The following CFAP20DC variants were observed in gnomAD, a reference collection of about 807,000 sequenced individuals.
CFAP20DC encodes the protein CFAP20 domain containing, also known as protein CFAP20DC.
Under a neutral mutation model 101.7 loss-of-function variants are expected in CFAP20DC, and 84 were observed. The observed-to-expected ratio is 0.83, with a 90% confidence interval of 0.69 to 0.99. The LOEUF (loss-of-function observed/expected upper bound fraction) is 0.99, where lower values mean the gene tolerates loss of function less well. CFAP20DC is among the 50% of genes least tolerant of loss of function. The pLI is 0.00. For synonymous variants in CFAP20DC, 359 were observed against 351.2 expected (o/e 1.02, Z -0.25); for missense variants, 1,007 against 970.3 (o/e 1.04, Z -0.50).
chr3:59,015,807 A>T lies in CFAP20DC; in HGVS notation c.278+23750T>A, dbSNP rs977858237. ...CTGTTCCCAAGGCTAAACAAAAGAG[A>T]TGGAGGCTGTAGAGCTGGGGACAAC... On this transcript the variant is annotated intron_variant, in intron 4 of 16. Transcript: ENST00000482387. This position sits in a 1 kb window ranked among gnomAD's most constrained non-coding sequence, Gnocchi z 5.4. 6.6e-6 allele frequency among the ~76,000 whole-genome samples: 1 copy of T among 152,114 alleles called. No individual in the cohort carries two copies. Among genetic ancestry groups the T allele is most frequent in the Non-Finnish European group, 1.5e-5 (1 of 68,002 alleles).
At chr3:58,737,324 A>C, downstream of CFAP20DC, 1 of 440,036 alleles carries the variant, frequency 2.3e-6, no homozygotes, top group Non-Finnish European at 4.6e-6. This position sits in a 1 kb window ranked among gnomAD's most constrained non-coding sequence, Gnocchi z 4.1. Flanking sequence ...ACACACACAG[A>C]CACACACCCA....
intron 4 of CFAP20DC, among the ~76,000 whole-genome samples, chr3:59,000,010 T>C (rs1233250027): frequency 6.6e-6 from 1 of 152,286 alleles, no homozygotes; most frequent in Admixed American, 6.5e-5. Context: ...AAAAAAACTC[T>C]GCAAGAACAT....
intron 14 of CFAP20DC, among the ~76,000 whole-genome samples, chr3:58,821,356 C>G (rs2075629058): frequency 6.6e-6 from 1 of 151,984 alleles, no homozygotes; most frequent in East Asian, 1.9e-4. Flanking sequence ...AGTGAACAGG[C>G]AACCTACAAA....
chr3:58,806,900 C>T (rs548703518), intron 14 of CFAP20DC, among the ~76,000 whole-genome samples: 17 of 152,226 alleles, frequency 1.1e-4, no homozygotes, highest in Middle Eastern at 3.4e-3. Flanking sequence ...TAAAAAACGG[C>T]GCACCAGGAG....
intron 4 of CFAP20DC, among the ~76,000 whole-genome samples, chr3:58,940,049 G>C (rs1198812303): frequency 6.6e-6 from 1 of 152,202 alleles, no homozygotes; most frequent in Non-Finnish European, 1.5e-5. Context: ...TTACAGGCGT[G>C]AGCCACTGTG....
downstream of CFAP20DC, among the ~76,000 whole-genome samples, chr3:58,738,788 T>C (rs2067815692): frequency 1.3e-5 from 2 of 152,322 alleles, no homozygotes; most frequent in South Asian, 4.1e-4. This position sits in a 1 kb window ranked among gnomAD's most constrained non-coding sequence, Gnocchi z 4.4. Context: ...ATTCTGGCCA[T>C]TTTGATTGAA....
intron 15 of CFAP20DC, among the ~76,000 whole-genome samples, chr3:58,760,201 T>C (rs1273092489): frequency 6.6e-6 from 1 of 152,226 alleles, no homozygotes; most frequent in Non-Finnish European, 1.5e-5. Context: ...GTATCCTCTT[T>C]TGTTTTGTTG....
chr3:58,831,941 C>T, intron 13 of CFAP20DC, 52 bp from the exon 14 acceptor site: 1 of 1,508,842 alleles, frequency 6.6e-7, no homozygotes. Flanking sequence ...AATTCTACGG[C>T]TACTAACAAA....
intron 13 of CFAP20DC, among the ~76,000 whole-genome samples, chr3:58,834,369 C>T (rs2076596865): frequency 6.6e-6 from 1 of 152,126 alleles, no homozygotes; most frequent in Admixed American, 6.6e-5. Context: ...TTAGTTGGCT[C>T]ATCATTGCCA....
At chr3:58,976,038 G>A (rs2092259066) in intron 4 of CFAP20DC, among the ~76,000 whole-genome samples, 1 of 152,174 alleles carries the variant, frequency 6.6e-6, no homozygotes, top group African/African-American at 2.4e-5. Flanking sequence ...CTTTCATTAT[G>A]AATGGCAGGG....
intron 12 of CFAP20DC, among the ~76,000 whole-genome samples, chr3:58,853,517 C>G (rs1389331664): frequency 2.0e-5 from 3 of 152,014 alleles, no homozygotes; most frequent in Non-Finnish European, 4.4e-5. Flanking sequence ...CAAAGCTGGG[C>G]AGAGACACAA....
chr3:58,794,374 T>C (rs1256572319), intron 15 of CFAP20DC: 4 of 455,008 alleles, frequency 8.8e-6, no homozygotes, highest in African/African-American at 2.0e-5. Flanking sequence ...AGAACAATAA[T>C]GATAGTGTTA....
At chr3:59,021,177 A>AT (rs1349227152) in intron 4 of CFAP20DC, among the ~76,000 whole-genome samples, 3 of 152,106 alleles carry the variant, frequency 2.0e-5, no homozygotes, top group Non-Finnish European at 4.4e-5. Context: ...GAGAAACACT[A>AT]AAGAACTGTA....
In CFAP20DC at chr3:58,838,247, TG is replaced by T. The variant is rs140830868; in HGVS notation, c.1972-6359del. Among the ~76,000 whole-genome samples the T allele has an allele frequency of 7.1e-3, 1,084 of 152,240 alleles. 14 individuals carry two copies. The highest frequency in any genetic ancestry group is 0.025 in the African/African-American group (1,039 of 41,542). ...TTACTAAATTTAAGGGTTGCTATATTGAGTTACATAGCAGGAATCAGGAGTT... is the reference window on the plus strand; with the variant it reads ...TTACTAAATTTAAGGGTTGCTATATTAGTTACATAGCAGGAATCAGGAGTT... On this transcript the variant is annotated intron_variant, in intron 13 of 16. Transcript: ENST00000482387.
At chr3:58,981,623 A>G (rs1180506270) in intron 4 of CFAP20DC, among the ~76,000 whole-genome samples, 1 of 152,250 alleles carries the variant, frequency 6.6e-6, no homozygotes, top group Admixed American at 6.5e-5. Flanking sequence ...TCCCTATTTA[A>G]TAAACGGTGC....
intron 6 of CFAP20DC, among the ~76,000 whole-genome samples, chr3:58,906,461 T>C (rs1310657777): frequency 6.6e-6 from 1 of 152,192 alleles, no homozygotes; most frequent in Non-Finnish European, 1.5e-5. Context: ...TGTGGCAATA[T>C]TGTATTATAC....
intron 8 of CFAP20DC, 51 bp downstream of exon 8, chr3:58,870,122 C>T (rs758985653): frequency 1.1e-5 from 11 of 974,918 alleles, no homozygotes; most frequent in South Asian, 2.5e-5. Context: ...AGACACTCTT[C>T]CCTTACCAGG....
chr3:58,770,591 T>G, intron 15 of CFAP20DC, among the ~76,000 whole-genome samples: 1 of 152,214 alleles, frequency 6.6e-6, no homozygotes, highest in South Asian at 2.1e-4. Context: ...AAGAATATTC[T>G]AGAAGGAACA....
intron 15 of CFAP20DC, among the ~76,000 whole-genome samples, chr3:58,801,633 A>C (rs1302256789): frequency 1.3e-5 from 2 of 152,124 alleles, no homozygotes; most frequent in African/African-American, 4.8e-5. Context: ...GGAAAAAAAA[A>C]AACAAAACGA....
Sources: allele counts gnomAD v4.1 joint callset (sites outside exome capture counted in the v4.1 genomes callset), GRCh38; gene constraint gnomAD v4.1.1; non-coding constraint Gnocchi (gnomAD v3.1); transcripts MANE v1.5; gene names NCBI Gene and HGNC (gene_info 2026-07-23, HGNC 2026-07-21).